TNK2: variants seen among roughly 807,000 people sequenced by gnomAD.
The protein encoded by TNK2 is tyrosine kinase non receptor 2, also known as activated CDC42 kinase 1.
In TNK2, 83 loss-of-function variants were observed where a neutral mutation model predicts 101.8. The observed-to-expected ratio is 0.82, with a 90% CI of 0.68 to 0.98. TNK2 has a LOEUF of 0.98. Among genes scored for constraint, TNK2 ranks in the 50% least tolerant of loss-of-function variants. TNK2 has a pLI of 0.00. For missense variants in TNK2, 1,665 were observed against 1,483.2 expected (o/e 1.12, Z -2.01); for synonymous variants, 804 against 633.0 (o/e 1.27, Z -4.06).
intron 1 of TNK2, chr3:195,895,385 C>A: frequency 1.9e-6 from 3 of 1,546,440 alleles, no homozygotes; most frequent in Non-Finnish European, 2.6e-6. Flanking sequence ...AGCGTCACTG[C>A]CCTGCGTCCT....
chr3:195,883,131 C>T (rs954300383), intron 5 of TNK2, 26 bp downstream of exon 5: 7 of 1,594,960 alleles, frequency 4.4e-6, no homozygotes, highest in Admixed American at 1.7e-5. Context: ...TCTCCCTGCC[C>T]GCCCCCTCCC....
At chr3:195,907,047 G>C (rs1242944220) in intron 1 of TNK2, among the ~76,000 whole-genome samples, 1 of 152,176 alleles carries the variant, frequency 6.6e-6, no homozygotes, top group African/African-American at 2.4e-5. Context: ...GATATAACCA[G>C]ATCAAAAGCA....
rs746283844 is a variant in TNK2, at chr3:195,867,624, G to A, written c.2674C>T (p.Arg892Cys). The change falls in exon 13 of 16, where the codon CGT (arginine) becomes TGT (cysteine). Residue 892 changes from arginine to cysteine, a missense_variant. Transcript: ENST00000672887. ...SYLERYQRFL[R>C]EAQSPEEPTP... ...GGCTCCTCGGGGCTCTGGGCCTCAC[G>A]CAGGAAGCGCTGGTAGCGCTCCAGG... The A allele has an allele frequency of 1.4e-5, 22 of 1,599,702 alleles. No individual in the cohort carries two copies. The highest frequency in any genetic ancestry group is 1.7e-4 in the Middle Eastern group (1 of 6,016).
At chr3:195,898,472 T>A (rs75103579) in intron 1 of TNK2, among the ~76,000 whole-genome samples, 4,778 of 152,212 alleles carry the variant, frequency 0.031, 118 homozygotes, top group Middle Eastern at 0.16. Flanking sequence ...CTTCCCTCAG[T>A]CCTCGAGGGC....
intron 10 of TNK2, among the ~76,000 whole-genome samples, chr3:195,872,037 C>T (rs35441969): frequency 1.2e-5 from 1 of 84,220 alleles, no homozygotes; most frequent in Non-Finnish European, 2.4e-5. Flanking sequence ...CCTGGAGAAC[C>T]CTCCCCTGGA....
In TNK2 at chr3:195,869,264, G is replaced by T. The variant is rs1044747425; in HGVS notation, c.1588+233C>A. The T allele has an allele frequency of 1.7e-5, 10 of 604,570 alleles. No homozygotes were observed. The African/African-American group carries it at 1.7e-4, about 10-fold the overall frequency. The allele number at this position is 604,570 out of a possible 1,614,324, so 37.5% of individuals were successfully genotyped here. On this transcript the variant is annotated intron_variant, in intron 12 of 15. Transcript: ENST00000672887. ...CCAGAAGCTCAGACAGGTCTGGGAG[G>T]GAGTGAGGCCGAGGCGGAAGCCAGG...
intron 11 of TNK2, 82 bp from the exon 12 acceptor site, chr3:195,869,623 C>G: frequency 7.3e-7 from 1 of 1,372,724 alleles, no homozygotes; most frequent in Non-Finnish European, 1.0e-6. Context: ...GACGAGAGGG[C>G]AGAGTGTAGA....
Position 195,872,476 on chromosome 3 carries a change from C to T in TNK2, c.1257-6G>A, listed in dbSNP as rs753856800. 7.3e-5 allele frequency: 115 copies of T among 1,574,828 alleles called. No homozygotes were observed. Among genetic ancestry groups the T allele is most frequent in the African/African-American group, 1.2e-4 (9 of 74,206 alleles). On this transcript the variant is annotated splice_region_variant and splice_polypyrimidine_tract_variant and intron_variant, in intron 9 of 15. Coordinates refer to ENST00000672887, the MANE Select transcript of TNK2 (RefSeq NM_001382273.1). The stretch of plus-strand genomic sequence containing the variant: ...GCCACCAGTAGTTCTCGGCCCTGCG[C>T]GACAGAGATGGCACGGTGAACGCCA...
chr3:195,880,098 T>C (rs963152549), intron 6 of TNK2, among the ~76,000 whole-genome samples: 1 of 151,982 alleles, frequency 6.6e-6, no homozygotes, highest in South Asian at 2.1e-4. Flanking sequence ...GAACAACCCT[T>C]CCCGCCTCAA....
At position 195,888,080 on chromosome 3, in the gene TNK2, C is replaced by G. The variant is rs574912433; in HGVS notation, c.163+346G>C. 5.9e-5 allele frequency among the ~76,000 whole-genome samples: 9 copies of G among 152,214 alleles called. No homozygotes were observed. The South Asian group carries it at 1.9e-3, about 32-fold the overall frequency. On this transcript the variant is annotated intron_variant, in intron 2 of 15. Coordinates refer to ENST00000672887, the MANE Select transcript of TNK2 (RefSeq NM_001382273.1). This position sits in a 1 kb window ranked among gnomAD's most constrained non-coding sequence, Gnocchi z 5.3. Reference sequence around the variant, plus strand: ...GAGTTAGCGTTCTCCCTACAGATCTCTGCACATGGACCCCCCGGTAGTCAG... The same window carrying G: ...GAGTTAGCGTTCTCCCTACAGATCTGTGCACATGGACCCCCCGGTAGTCAG...
At chr3:195,873,295 G>A (rs1022158875) in intron 9 of TNK2, among the ~76,000 whole-genome samples, 1 of 152,224 alleles carries the variant, frequency 6.6e-6, no homozygotes, top group Non-Finnish European at 1.5e-5. Context: ...GGCAGGGGCA[G>A]GCAGGCCAGG....
Position 195,867,480 on chromosome 3 carries a change from T to C in TNK2, c.2818A>G (p.Thr940Ala). Residue 940 changes from threonine (T) to alanine (A), a missense_variant, in exon 13 of 16, where the codon ACC becomes GCC. By Grantham distance (58) the Thr-to-Ala change is moderately conservative (BLOSUM62 0). This residue lies in a region of TNK2 where 1,136 missense variants were observed against 894.9 expected (regional missense o/e 1.27). Coordinates refer to ENST00000672887, the MANE Select transcript of TNK2 (RefSeq NM_001382273.1). The stretch of plus-strand genomic sequence containing the variant: ...CGGGCCCCTGGGTTGCTGTTGTTGG[T>C]GGAGAAGTTGGCCTTGGGGTCCAAG... The part of the protein sequence containing the change: ...AALDPKANFS[T>A]NNSNPGARPP... 6.4e-7 allele frequency: 1 copy of C among 1,570,830 alleles called. No individual in the cohort carries two copies. The highest frequency in any genetic ancestry group is 8.6e-7 in the Non-Finnish European group (1 of 1,167,030).
At chr3:195,872,769 G>C in intron 9 of TNK2, 1 of 370,598 alleles carries the variant, frequency 2.7e-6, no homozygotes, top group Non-Finnish European at 4.9e-6. Flanking sequence ...CCTGTCCACG[G>C]TTACCAGAAA....
In TNK2 at chr3:195,885,196, C is replaced by T. The variant is rs905274355; in HGVS notation, c.235-163G>A. ...GCAGCCTGGCTGGAGGCCCACACTC[C>T]GTCCAGGGCACACCCCCAAACATGA... On this transcript the variant is annotated intron_variant, in intron 3 of 15. Transcript: ENST00000672887. The surrounding 1 kb of genome is among the most constrained non-coding windows in gnomAD (Gnocchi z 4.7). The T allele has an allele frequency of 5.9e-5, 59 of 992,638 alleles. No homozygotes were observed. Among genetic ancestry groups the T allele is most frequent in the Non-Finnish European group, 8.1e-5 (56 of 690,124 alleles). The allele number at this position is 992,638 out of a possible 1,614,324, so 61.5% of individuals were successfully genotyped here.
rs1750895199 is a variant in TNK2, at chr3:195,878,904, G to A, written c.1014+145C>T. On this transcript the variant is annotated intron_variant, in intron 7 of 15. Coordinates refer to ENST00000672887, the MANE Select transcript of TNK2 (RefSeq NM_001382273.1). The surrounding 1 kb of genome is among the most constrained non-coding windows in gnomAD (Gnocchi z 4.7). ...GGCGTGAGAGGAGACACGGGGCGTG[G>A]TGGGAGGCACGGGAAGTGGGGGGAG... 1 of 1,326,370 alleles carries A rather than the reference G, an allele frequency of 7.5e-7. No individual in the cohort carries two copies. The allele number at this position is 1,326,370 out of a possible 1,614,324, so 82.2% of individuals were successfully genotyped here. A position where few individuals can be genotyped will look rare whatever the true frequency, so the allele number is the denominator to read the frequency against.
intron 9 of TNK2, among the ~76,000 whole-genome samples, chr3:195,873,420 G>GGCGGGGGCGGTGAGAGCC (rs1746838133): frequency 2.2e-5 from 3 of 135,456 alleles, no homozygotes; most frequent in Non-Finnish European, 4.9e-5. Context: ...AGTCTGGGCA[G>GGCGGGGGCGGTGAGAGCC]GCGGGGGCGG....
In TNK2 at chr3:195,868,467, C is replaced by A. The variant is rs367962373; in HGVS notation, c.1831G>T (p.Ala611Ser). The A allele has an allele frequency of 6.4e-7, 1 of 1,554,320 alleles. No individual in the cohort carries two copies. The highest frequency in any genetic ancestry group is 8.6e-7 in the Non-Finnish European group (1 of 1,161,924). The change falls in exon 13 of 16, where the codon GCC becomes TCC. Residue 611 changes from alanine (A) to serine (S), a missense_variant. Ala to Ser is a moderately conservative substitution (Grantham distance 99, BLOSUM62 1). Coordinates refer to ENST00000672887, the MANE Select transcript of TNK2 (RefSeq NM_001382273.1). Reference protein sequence around the residue: ...APSLAQLAMDACSLLDETPPQ... With the variant: ...APSLAQLAMDSCSLLDETPPQ... ...GGGGTCTCGTCCAGCAGGGAGCAGG[C>A]GTCCATGGCCAGCTGCGCCAGGGAG...
intron 15 of TNK2, among the ~76,000 whole-genome samples, chr3:195,864,883 C>G (rs1455438148): frequency 7.5e-6 from 1 of 133,938 alleles, no homozygotes; most frequent in East Asian, 2.3e-4. Context: ...CAGCAAGTGC[C>G]TGCGTCCCGG....
rs567473029 is a variant in TNK2, at chr3:195,887,828, G to A, written c.163+598C>T. Among the ~76,000 whole-genome samples, 179 of 130,164 alleles carry A rather than the reference G, an allele frequency of 1.4e-3. 2 individuals carry two copies. In the South Asian group the frequency reaches 0.024, roughly 17 times the overall value. The allele number at this position is 130,164 out of a possible 152,430, so 85.4% of individuals were successfully genotyped here. Reference sequence around the variant, plus strand: ...GCCGTGCGTGTGCATGCGGGTGTGCGCACACACGTGTGTGTGTGTGTGCGT... The same window carrying A: ...GCCGTGCGTGTGCATGCGGGTGTGCACACACACGTGTGTGTGTGTGTGCGT... On this transcript the variant is annotated intron_variant, in intron 2 of 15. Coordinates refer to ENST00000672887, the MANE Select transcript of TNK2 (RefSeq NM_001382273.1).
Sources: gnomAD v4.1 joint callset for allele counts (sites outside exome capture counted in the v4.1 genomes callset) on GRCh38, gnomAD v4.1.1 for gene constraint, gnomAD v4.1.1 regional missense constraint, Gnocchi (gnomAD v3.1) non-coding constraint, MANE v1.5 for transcripts, NCBI Gene and HGNC (gene_info 2026-07-23, HGNC 2026-07-21) for gene names.